AFDN: variants seen among roughly 807,000 people sequenced by gnomAD.
AFDN encodes the protein afadin, adherens junction formation factor.
AFDN carries 68 observed loss-of-function variants against 216.6 expected under a neutral mutation model. The observed-to-expected ratio is 0.31, with a 90% CI of 0.26 to 0.38. The LOEUF is 0.38. Among genes scored for constraint, AFDN ranks in the 10% least tolerant of loss-of-function variants. The probability of loss-of-function intolerance (pLI) is 1.00; values close to 1 mark genes in which losing one functional copy is unlikely to be tolerated. For synonymous variants in AFDN, 868 were observed against 853.7 expected, an observed-to-expected ratio of 1.02 and a Z score of -0.29; for missense variants, 2,136 against 2,342.0, an observed-to-expected ratio of 0.91 and a Z score of 1.82.
chr6:167,947,383 G>A (rs1036630427), intron 27 of AFDN, among the ~76,000 whole-genome samples: 4 of 152,088 alleles, frequency 2.6e-5, no homozygotes, highest in Admixed American at 1.3e-4. Context: ...GTTTCACCAT[G>A]TTAGCCAGGA....
rs28580523 is a variant in AFDN, at chr6:167,940,448, G to T, written c.3100-2681G>T. 2.8e-4 allele frequency among the ~76,000 whole-genome samples: 12 copies of T among 43,252 alleles called. 1 individual carries two copies. The highest frequency in any genetic ancestry group is 3.7e-4 in the Admixed American group (2 of 5,440). The allele number at this position is 43,252 out of a possible 152,430, so 28.4% of individuals were successfully genotyped here. A position where few individuals can be genotyped will look rare whatever the true frequency, so the allele number is the denominator to read the frequency against. On this transcript the variant is annotated intron_variant, in intron 23 of 33. Coordinates refer to ENST00000683244, the MANE Select transcript of AFDN (RefSeq NM_001386888.1). ...GTGGACAGACACAGAGGGATGTAGG[G>T]GTGAGGGTGGAAACCATCCACAGGA...
intron 32 of AFDN, chr6:167,966,272 T>C: frequency 2.0e-6 from 3 of 1,514,668 alleles, no homozygotes; most frequent in Non-Finnish European, 2.6e-6. Flanking sequence ...ACTGCAAAGG[T>C]AGAGGTAAAA....
Position 167,918,899 on chromosome 6 carries a change from T to C in AFDN, c.2874T>C (p.Gly958=), listed in dbSNP as rs553453663. The C allele has an allele frequency of 1.5e-5, 24 of 1,614,048 alleles. No homozygotes were observed. The South Asian group carries it at 2.4e-4, about 16-fold the overall frequency. Reference sequence around the variant, plus strand: ...ATGTTGTCAGAAACATTCCAAATGGTTTACAAGAATTTTTAGACCCTCTGT... The same window carrying C: ...ATGTTGTCAGAAACATTCCAAATGGCTTACAAGAATTTTTAGACCCTCTGT... ...SCDVVRNIPN[G]LQEFLDPLCQ... The change falls in exon 21 of 34, where the codon GGT becomes GGC. Residue 958 remains glycine (G), a synonymous_variant. Coordinates refer to ENST00000683244, the MANE Select transcript of AFDN (RefSeq NM_001386888.1).
At chr6:167,957,288 T>G (rs1177295641) in intron 30 of AFDN, among the ~76,000 whole-genome samples, 1 of 152,216 alleles carries the variant, frequency 6.6e-6, no homozygotes, top group Non-Finnish European at 1.5e-5. Context: ...CTATACACAT[T>G]ACTCATCATT....
chr6:167,870,408 G>A lies in AFDN; in HGVS notation c.324G>A (p.Glu108=), dbSNP rs1322253912. 2 of 1,607,616 alleles carry A rather than the reference G, an allele frequency of 1.2e-6. No homozygotes were observed. The highest frequency in any genetic ancestry group is 1.7e-6 in the Non-Finnish European group (2 of 1,176,588). The change falls in exon 3 of 34, where the codon GAG becomes GAA. Residue 108 remains glutamate (E), a synonymous_variant. Transcript: ENST00000683244. ...VSGERRLDID[E]KPLVVQLNWN... ...AAGAAAGAAGATTGGATATAGATGA[G>A]AAACCTCTAGTTGTACAACTGAATT...
intron 13 of AFDN, 79 bp from the exon 14 acceptor site, chr6:167,911,022 G>T (rs1790313670): frequency 6.1e-6 from 7 of 1,156,804 alleles, no homozygotes; most frequent in Non-Finnish European, 8.9e-6. Flanking sequence ...AAAAGTAGTT[G>T]CAGAAATCTA....
chr6:167,855,633 A>G (rs1371627641), intron 1 of AFDN, among the ~76,000 whole-genome samples: 1 of 152,118 alleles, frequency 6.6e-6, no homozygotes, highest in Non-Finnish European at 1.5e-5. Flanking sequence ...TCTAGACAGT[A>G]GGAAGATAGC....
intron 11 of AFDN, among the ~76,000 whole-genome samples, chr6:167,900,975 C>CT (rs1336648290): frequency 6.6e-6 from 1 of 152,160 alleles, no homozygotes; most frequent in African/African-American, 2.4e-5. Context: ...AACTTTTACT[C>CT]TTTCAAAAGT....
chr6:167,891,285 A>G (rs536378330), intron 8 of AFDN, among the ~76,000 whole-genome samples: 1 of 152,278 alleles, frequency 6.6e-6, no homozygotes, highest in East Asian at 1.9e-4. Flanking sequence ...AATTTAGTGT[A>G]TGGACAATTT....
At chr6:167,914,120 T>C (rs902062451) in intron 16 of AFDN, 48 bp from the exon 17 acceptor site, 8 of 1,597,920 alleles carry the variant, frequency 5.0e-6, no homozygotes, top group African/African-American at 4.0e-5. Context: ...ATATTTTTAT[T>C]ACTTTTGTTT....
Position 167,861,383 on chromosome 6 carries a change from T to C in AFDN, c.106-3168T>C, listed in dbSNP as rs573574191. Among the ~76,000 whole-genome samples, 204 of 152,360 alleles carry C rather than the reference T, an allele frequency of 1.3e-3. 1 individual carries two copies. The highest frequency in any genetic ancestry group is 4.6e-3 in the African/African-American group (193 of 41,590). ...GGCTTTATTTAGGCTTGGTAGAACC[T>C]GGAACATTGTTTCCAGGAATACTCT... On this transcript the variant is annotated intron_variant, in intron 1 of 33. Coordinates refer to ENST00000683244, the MANE Select transcript of AFDN (RefSeq NM_001386888.1).
intron 1 of AFDN, among the ~76,000 whole-genome samples, chr6:167,863,323 C>A (rs965291155): frequency 1.3e-5 from 2 of 152,208 alleles, no homozygotes; most frequent in African/African-American, 4.8e-5. Flanking sequence ...TATCCCATTT[C>A]TCCTATTTTT....
intron 5 of AFDN, 61 bp downstream of exon 5, chr6:167,875,556 G>A (rs1785260754): frequency 1.3e-6 from 2 of 1,539,482 alleles, no homozygotes; most frequent in South Asian, 1.2e-5. Context: ...TAATTACACT[G>A]TACGTGCGTG....
intron 30 of AFDN, among the ~76,000 whole-genome samples, chr6:167,960,917 C>T (rs1796972878): frequency 6.6e-6 from 1 of 152,150 alleles, no homozygotes; most frequent in Admixed American, 6.5e-5. Flanking sequence ...TTATTTGTCT[C>T]TTTGAGAAGA....
rs1441435439 is a variant in AFDN at position 167,965,936 on chromosome 6, G to A, written c.5148G>A (p.Gln1716=). 6.5e-7 allele frequency: 1 copy of A among 1,544,544 alleles called. No individual in the cohort carries two copies. The highest frequency in any genetic ancestry group is 2.0e-5 in the Admixed American group (1 of 50,694). Residue 1716 remains glutamine (Q), a synonymous_variant, in exon 32 of 34, where the codon CAG becomes CAA. Transcript: ENST00000683244. ...PAPGAPPPPP[Q]RNASYLKTQV... ...CCGGCGCCCCTCCTCCCCCGCCTCA[G>A]CGAAACGCCTCCTACCTCAAAACAC...
chr6:167,904,955 A>G (rs867190379), intron 12 of AFDN, among the ~76,000 whole-genome samples: 12 of 152,274 alleles, frequency 7.9e-5, no homozygotes, highest in Middle Eastern at 3.4e-3. Flanking sequence ...CTATGCCCTG[A>G]GCCTGCTTCC....
Position 167,951,397 on chromosome 6 carries a change from G to C in AFDN, c.4043G>C (p.Gly1348Ala). ...TCCACACTGACCAAAAGTGGCCCTG[G>C]CCGTTGGAAAACACCAGCAGCCATA... is the stretch of plus-strand genomic sequence containing the variant. ...PASTLTKSGP[G>A]RWKTPAAIPA... The change falls in exon 30 of 34, where the codon GGC (glycine) becomes GCC (alanine). Residue 1348 changes from glycine (G) to alanine (A), a missense_variant. Around this residue, in one of 8 missense-constraint regions of AFDN, gnomAD observed 981 missense variants for 966.0 expected, o/e 1.02. Transcript: ENST00000683244. The surrounding 1 kb of genome is among the most constrained non-coding windows in gnomAD (Gnocchi z 7.1). 2 of 1,614,080 alleles carry C rather than the reference G, an allele frequency of 1.2e-6. No homozygotes were observed. Among genetic ancestry groups the C allele is most frequent in the Non-Finnish European group, 1.7e-6 (2 of 1,180,016 alleles).
chr6:167,897,803 C>G (rs184549452), intron 10 of AFDN, among the ~76,000 whole-genome samples: 1 of 151,958 alleles, frequency 6.6e-6, no homozygotes, highest in African/African-American at 2.4e-5. Context: ...CGCGCCACCA[C>G]GCCTGCTAAT....
At chr6:167,923,112 A>G (rs1792039671) in intron 22 of AFDN, 153 bp downstream of exon 22, 1 of 564,120 alleles carries the variant, frequency 1.8e-6, no homozygotes, top group Non-Finnish European at 3.1e-6. Context: ...TCAAGCCATA[A>G]TTCATATATA....
Sources: allele counts gnomAD v4.1 joint callset (sites outside exome capture counted in the v4.1 genomes callset), GRCh38; gene constraint gnomAD v4.1.1; regional missense constraint gnomAD v4.1.1; non-coding constraint Gnocchi (gnomAD v3.1); transcripts MANE v1.5; gene names NCBI Gene and HGNC (gene_info 2026-07-23, HGNC 2026-07-21).